Variants in FYB1 observed in about 807,000 individuals in gnomAD.
The protein encoded by FYB1 is FYN binding protein 1, also known as FYN-binding protein 1.
In FYB1, 41 loss-of-function variants were observed where a neutral mutation model predicts 94.1. The observed-to-expected ratio is 0.44, with a 90% CI of 0.34 to 0.57. The LOEUF (loss-of-function observed/expected upper bound fraction) is 0.57, where lower values mean the gene tolerates loss of function less well. Ranked by LOEUF, FYB1 falls within the 20% of genes least tolerant of loss-of-function variation. The probability of loss-of-function intolerance (pLI) is 0.02; values close to 1 mark genes in which losing one functional copy is unlikely to be tolerated. For synonymous variants in FYB1, 367 were observed against 353.2 expected, an observed-to-expected ratio of 1.04 and a Z score of -0.44; for missense variants, 1,050 against 976.8, an observed-to-expected ratio of 1.07 and a Z score of -1.00.
chr5:39,222,482 C>T (rs1400935716), upstream of FYB1, among the ~76,000 whole-genome samples: 2 of 152,208 alleles, frequency 1.3e-5, no homozygotes, highest in Non-Finnish European at 2.9e-5. Context: ...TTATATCTCT[C>T]AGCCTCTGTG....
rs1281510329 is a variant in FYB1 at position 39,153,503 on chromosome 5, G to T, written c.1237C>A (p.Gln413Lys). ...GGAGGTAGGCTTGGGACTGGTGGTT[G>T]TGATGGGTGAGATGCTGGCAATGGT... The part of the protein sequence containing the change: ...QPPLPASHPS[Q>K]PPVPSLPPRN... The change falls in exon 3 of 19, where the codon CAA (glutamine) becomes AAA (lysine). Residue 413 changes from glutamine (Q) to lysine (K), a missense_variant. Coordinates refer to ENST00000512982, the MANE Select transcript of FYB1 (RefSeq NM_001465.6). 6.2e-7 allele frequency: 1 copy of T among 1,614,014 alleles called. No homozygotes were observed. Among genetic ancestry groups the T allele is most frequent in the East Asian group, 2.2e-5 (1 of 44,872 alleles).
intron 1 of FYB1, among the ~76,000 whole-genome samples, chr5:39,229,527 T>C (rs1159329635): frequency 6.6e-6 from 1 of 152,198 alleles, no homozygotes; most frequent in Admixed American, 6.5e-5. Context: ...GTACATCCTT[T>C]GATATTCACT....
intron 1 of FYB1, among the ~76,000 whole-genome samples, chr5:39,242,459 G>A (rs1409553547): frequency 6.6e-6 from 1 of 152,112 alleles, no homozygotes; most frequent in Admixed American, 6.5e-5. Context: ...TCCCTACAAA[G>A]GACATGAACT....
intron 1 of FYB1, chr5:39,270,498 G>T: frequency 2.1e-6 from 3 of 1,425,632 alleles, no homozygotes; most frequent in South Asian, 1.3e-5. Context: ...CCTCAACTCT[G>T]ACTGTTCTAT....
intron 2 of FYB1, among the ~76,000 whole-genome samples, chr5:39,179,554 T>TC (rs1746030593): frequency 2.0e-5 from 3 of 150,844 alleles, no homozygotes; most frequent in Non-Finnish European, 4.4e-5. Context: ...TTTTCTTTTT[T>TC]TTTTTTTTTG....
intron 2 of FYB1, among the ~76,000 whole-genome samples, chr5:39,182,097 C>T (rs1410583152): frequency 1.8e-5 from 2 of 109,640 alleles, no homozygotes; most frequent in Non-Finnish European, 4.8e-5. Flanking sequence ...TAGGCTTAAG[C>T]CCCAAGTCCT....
chr5:39,156,127 C>G (rs1043448781), intron 2 of FYB1, among the ~76,000 whole-genome samples: 1 of 151,980 alleles, frequency 6.6e-6, no homozygotes, highest in Non-Finnish European at 1.5e-5. Context: ...GACTTAAGGC[C>G]GACAAGTGAG....
At chr5:39,109,459 G>T (rs1173283063) in intron 17 of FYB1, among the ~76,000 whole-genome samples, 1 of 151,962 alleles carries the variant, frequency 6.6e-6, no homozygotes, top group Non-Finnish European at 1.5e-5. Flanking sequence ...CTTAAAATTT[G>T]TATCTTTCAT....
upstream of FYB1, among the ~76,000 whole-genome samples, chr5:39,222,833 A>G (rs1229183491): frequency 6.6e-6 from 1 of 152,240 alleles, no homozygotes; most frequent in Non-Finnish European, 1.5e-5. Context: ...GTGCAGTAAT[A>G]TTATTTGATT....
intron 3 of FYB1, among the ~76,000 whole-genome samples, chr5:39,151,383 G>C (rs1325086077): frequency 1.5e-5 from 2 of 137,438 alleles, no homozygotes; most frequent in African/African-American, 7.2e-5. Flanking sequence ...TCGACTTCCT[G>C]GGCTGAAGCA....
chr5:39,268,138 C>T (rs1026406086), intron 1 of FYB1, among the ~76,000 whole-genome samples: 16 of 152,046 alleles, frequency 1.1e-4, no homozygotes, highest in Non-Finnish European at 2.2e-4. Context: ...AAAATGATGA[C>T]ATTCTCGAAG....
intron 1 of FYB1, among the ~76,000 whole-genome samples, chr5:39,214,526 G>A (rs960359654): frequency 6.6e-6 from 1 of 152,136 alleles, no homozygotes; most frequent in Non-Finnish European, 1.5e-5. Context: ...AACAAAATGA[G>A]GTTTATAATA....
At position 39,244,774 on chromosome 5, in the gene FYB1, C is replaced by CT. The variant is rs558457656; in HGVS notation, c.-28+29628dup. On this transcript the variant is annotated intron_variant, in intron 1 of 1. Transcript: ENST00000510188. ...GGCTGTGAATCCGTCTGGTCCTGGA[C>CT]TTTTTTTGGTTGGTAGGCTATTAAT... 6.1e-3 allele frequency among the ~76,000 whole-genome samples: 935 copies of CT among 152,190 alleles called. 23 individuals are homozygous for CT. Among genetic ancestry groups the CT allele is most frequent in the South Asian group, 0.056 (271 of 4,824 alleles).
chr5:39,141,109 A>G lies in FYB1; in HGVS notation c.1325T>C (p.Val442Ala). 1 of 1,591,546 alleles carries G rather than the reference A, an allele frequency of 6.3e-7. No homozygotes were observed. The change falls in exon 4 of 19, where the codon GTC (valine) becomes GCC (alanine). Residue 442 changes from valine (V) to alanine (A), a missense_variant. Coordinates refer to ENST00000512982, the MANE Select transcript of FYB1 (RefSeq NM_001465.6). ...TTGTCGTTTACCATCAGAGTGCGTG[A>G]CACCATCTTGATTGTCTTCATTGAC... ...SPVNEDNQDG[V>A]THSDGAGNLD...
intron 1 of FYB1, among the ~76,000 whole-genome samples, chr5:39,247,642 C>G (rs971945847): frequency 1.3e-5 from 2 of 152,044 alleles, no homozygotes; most frequent in African/African-American, 4.8e-5. Flanking sequence ...TTTTTTACCC[C>G]ATACATATAT....
At chr5:39,186,009 T>C (rs2150441592) in intron 2 of FYB1, among the ~76,000 whole-genome samples, 1 of 152,208 alleles carries the variant, frequency 6.6e-6, no homozygotes, top group South Asian at 2.1e-4. Flanking sequence ...GAGGAGCACC[T>C]GGATTGAAGA....
At chr5:39,270,880 T>C (rs1249634898) in intron 1 of FYB1, 7 of 344,528 alleles carry the variant, frequency 2.0e-5, no homozygotes, top group Admixed American at 1.7e-4. Context: ...TAAATTTTGC[T>C]ATACATTATT....
intron 16 of FYB1, among the ~76,000 whole-genome samples, chr5:39,112,302 T>C (rs1482593893): frequency 2.0e-5 from 3 of 151,966 alleles, no homozygotes; most frequent in Non-Finnish European, 2.9e-5. Flanking sequence ...CTAAAACAAA[T>C]TGGAAAATAA....
At chr5:39,165,257 A>C (rs1561199728) in intron 2 of FYB1, among the ~76,000 whole-genome samples, 2 of 152,222 alleles carry the variant, frequency 1.3e-5, no homozygotes, top group Non-Finnish European at 2.9e-5. Context: ...AGGCTATAGC[A>C]ACCAAAACGG....
Sources: allele counts gnomAD v4.1 joint callset (sites outside exome capture counted in the v4.1 genomes callset), GRCh38; gene constraint gnomAD v4.1.1; transcripts MANE v1.5; gene names NCBI Gene and HGNC (gene_info 2026-07-23, HGNC 2026-07-21).